Variants in CD96 observed in about 807,000 individuals in gnomAD.
The protein encoded by CD96 is T-cell surface protein tactile.
CD96 carries 70 observed loss-of-function variants against 71.3 expected under a neutral mutation model. The ratio of observed to expected loss-of-function variants is 0.98; its 90% CI spans 0.81 to 1.20. The LOEUF is 1.20. Among genes scored for constraint, CD96 ranks in the 50% most tolerant of loss-of-function variants. The pLI is 0.00. For missense variants in CD96, 742 were observed against 677.5 expected (o/e 1.10, Z -1.06); for synonymous variants, 248 against 233.0 (o/e 1.06, Z -0.59).
chr3:111,661,698 A>T (rs1248686646), intron 14 of CD96, among the ~76,000 whole-genome samples: 2 of 152,226 alleles, frequency 1.3e-5, no homozygotes, highest in African/African-American at 4.8e-5. Context: ...TCCAGGTCAC[A>T]CTGATGCAAA....
At chr3:111,593,564 T>C (rs781203792) in intron 5 of CD96, 4 of 1,528,340 alleles carry the variant, frequency 2.6e-6, no homozygotes, top group African/African-American at 1.4e-5. Context: ...ATGGAAGGGA[T>C]GTACTGCTGC....
intron 3 of CD96, among the ~76,000 whole-genome samples, chr3:111,573,619 C>T (rs934392754): frequency 4.8e-5 from 7 of 146,262 alleles, no homozygotes; most frequent in East Asian, 1.9e-4. Flanking sequence ...AAGAAATTCA[C>T]GATTTTTCTC....
intron 10 of CD96, among the ~76,000 whole-genome samples, chr3:111,636,775 T>G: frequency 6.6e-6 from 1 of 152,230 alleles, no homozygotes. Flanking sequence ...CAAAGTGTTT[T>G]CGTCCCCTAT....
chr3:111,601,176 A>G (rs1937481060), intron 7 of CD96, among the ~76,000 whole-genome samples: 1 of 152,216 alleles, frequency 6.6e-6, no homozygotes, highest in African/African-American at 2.4e-5. Context: ...TTCCAATTTA[A>G]TTCATCATAA....
chr3:111,553,113 T>TA (rs564499213), intron 2 of CD96, among the ~76,000 whole-genome samples: 17 of 148,096 alleles, frequency 1.1e-4, no homozygotes, highest in East Asian at 4.0e-4. Flanking sequence ...CCACCAAAAC[T>TA]AAAAAAAAAT....
chr3:111,576,471 C>T (rs185151443), intron 3 of CD96, among the ~76,000 whole-genome samples: 1 of 152,144 alleles, frequency 6.6e-6, no homozygotes, highest in Non-Finnish European at 1.5e-5. Context: ...TCTAAAATTT[C>T]TATTAAATTT....
At chr3:111,637,973 C>T in intron 11 of CD96, 106 bp from the exon 12 acceptor site, 1 of 777,476 alleles carries the variant, frequency 1.3e-6, no homozygotes, top group Non-Finnish European at 2.4e-6. Flanking sequence ...GATACTTAGA[C>T]AATTTAAATT....
chr3:111,584,464 T>G (rs1936610929), intron 4 of CD96, among the ~76,000 whole-genome samples: 1 of 152,238 alleles, frequency 6.6e-6, no homozygotes, highest in Non-Finnish European at 1.5e-5. Flanking sequence ...GTACTGGTAC[T>G]AATTTATTGT....
rs1187607359 is a variant in CD96, at chr3:111,570,624, C to T, written c.543+2977C>T. The T allele has an allele frequency of 2.3e-5, 37 of 1,590,504 alleles. No homozygotes were observed. In the Admixed American group the frequency reaches 3.4e-4, roughly 14 times the overall value. ...AACAGGTGAGATGTGAGACACCAGG[C>T]GCATGGCAGCTCACACGTACATGGC... is the stretch of plus-strand genomic sequence containing the variant. On this transcript the variant is annotated intron_variant, in intron 3 of 13. Coordinates refer to ENST00000352690, the MANE Select transcript of CD96 (RefSeq NM_005816.5).
chr3:111,611,617 T>C (rs1257098565), intron 8 of CD96, among the ~76,000 whole-genome samples: 2 of 151,834 alleles, frequency 1.3e-5, no homozygotes, highest in Non-Finnish European at 2.9e-5. Context: ...TATCAACATG[T>C]ATCTGCTGCT....
At chr3:111,587,356 T>C (rs1936761964) in intron 5 of CD96, among the ~76,000 whole-genome samples, 5 of 152,024 alleles carry the variant, frequency 3.3e-5, no homozygotes, top group African/African-American at 1.2e-4. Context: ...GTCTGAAGGA[T>C]GGTAGTCCTC....
intron 2 of CD96, among the ~76,000 whole-genome samples, chr3:111,561,541 C>G (rs1184318282): frequency 6.8e-6 from 1 of 148,010 alleles, no homozygotes; most frequent in Admixed American, 6.9e-5. Flanking sequence ...GGTCAGGGAC[C>G]CACTTGAGGA....
intron 12 of CD96, among the ~76,000 whole-genome samples, chr3:111,640,413 C>A (rs898831474): frequency 3.3e-5 from 5 of 151,984 alleles, no homozygotes; most frequent in African/African-American, 9.7e-5. Flanking sequence ...GCAAGATCTT[C>A]AAATTAACTC....
intron 4 of CD96, among the ~76,000 whole-genome samples, chr3:111,584,645 G>A (rs60265245): frequency 0.011 from 1,631 of 152,182 alleles, 34 homozygotes; most frequent in African/African-American, 0.037. Context: ...AAGCAAAGGC[G>A]GGAATCCCTG....
intron 3 of CD96, among the ~76,000 whole-genome samples, chr3:111,573,276 A>G (rs1936070082): frequency 1.3e-5 from 2 of 152,216 alleles, no homozygotes; most frequent in Non-Finnish European, 2.9e-5. Flanking sequence ...CACAGCATGA[A>G]TTTCAGTTCA....
At chr3:111,608,650 A>C (rs1042023815) in intron 8 of CD96, among the ~76,000 whole-genome samples, 1 of 152,212 alleles carries the variant, frequency 6.6e-6, no homozygotes, top group Non-Finnish European at 1.5e-5. Context: ...TCACCACATT[A>C]GACACCATTT....
chr3:111,624,281 A>G (rs2107712802), intron 9 of CD96, 52 bp from the exon 10 acceptor site: 1 of 1,233,780 alleles, frequency 8.1e-7, no homozygotes, highest in East Asian at 2.3e-5. Context: ...AAGCAAAGTT[A>G]AATTACAGCT....
intron 12 of CD96, 77 bp downstream of exon 12, chr3:111,638,245 C>A: frequency 1.1e-6 from 1 of 920,948 alleles, no homozygotes; most frequent in East Asian, 2.4e-5. Context: ...CTGCCATTTG[C>A]CAGGCATTAT....
chr3:111,617,871 C>G (rs889244842), intron 8 of CD96, among the ~76,000 whole-genome samples: 6 of 152,232 alleles, frequency 3.9e-5, no homozygotes, highest in Non-Finnish European at 8.8e-5. Context: ...TTCAGGGAGC[C>G]CAGACCTAAG....
Sources: allele counts gnomAD v4.1 joint callset (sites outside exome capture counted in the v4.1 genomes callset), GRCh38; gene constraint gnomAD v4.1.1; transcripts MANE v1.5; gene names NCBI Gene and HGNC (gene_info 2026-07-23, HGNC 2026-07-21).